The following CHM variants were observed in gnomAD, a reference collection of about 807,000 sequenced individuals.
CHM encodes the protein rab proteins geranylgeranyltransferase component A 1.
CHM carries 10 observed loss-of-function variants against 49.0 expected under a neutral mutation model. The ratio of observed to expected loss-of-function variants is 0.20; its 90% CI spans 0.13 to 0.35. The LOEUF (loss-of-function observed/expected upper bound fraction) is 0.35, where lower values mean the gene tolerates loss of function less well. Among genes scored for constraint, CHM ranks in the 10% least tolerant of loss-of-function variants. The pLI is 1.00. For missense variants in CHM, 455 were observed against 478.4 expected (o/e 0.95, Z 0.46); for synonymous variants, 184 against 167.5 (o/e 1.10, Z -0.76).
In CHM at chrX:85,900,685, A is replaced by G. The variant is rs1353188685; in HGVS notation, c.1374T>C (p.Ile458=). 8.4e-7 allele frequency: 1 copy of G among 1,188,712 alleles called. No individual in the cohort carries two copies. The highest frequency in any genetic ancestry group is 3.0e-5 in the East Asian group (1 of 33,600). ...CTGTTTTTAGGACAGATCTATCTGT[A>G]ATCAGCACTGCCCTGGAGATCTGCC... The part of the protein sequence containing the change: ...QYRQISRAVL[I]TDRSVLKTDS... Residue 458 remains isoleucine, a synonymous_variant, in exon 11 of 15, where the codon ATT becomes ATC. Transcript: ENST00000357749.
At chrX:86,045,451 T>C (rs1283356472) in intron 1 of CHM, among the ~76,000 whole-genome samples, 1 of 112,354 alleles carries the variant, frequency 8.9e-6, no homozygotes, top group Non-Finnish European at 1.9e-5. Flanking sequence ...ATGTGCTTGA[T>C]AAAACCTAGA....
chrX:86,028,372 G>A (rs1400862070), intron 1 of CHM, among the ~76,000 whole-genome samples: 2 of 111,531 alleles, frequency 1.8e-5, no homozygotes, highest in Non-Finnish European at 1.9e-5. Flanking sequence ...ATATAACTCC[G>A]AAGCCACAAT....
At chrX:85,978,295 CTGAG>C (rs1234027964) in intron 4 of CHM, among the ~76,000 whole-genome samples, 1 of 111,599 alleles carries the variant, frequency 9.0e-6, no homozygotes, top group Non-Finnish European at 1.9e-5. Flanking sequence ...TTTTGCTACA[CTGAG>C]TATTATCTAA....
intron 12 of CHM, among the ~76,000 whole-genome samples, chrX:85,888,293 G>C (rs1167776832): frequency 8.9e-6 from 1 of 112,127 alleles, no homozygotes; most frequent in East Asian, 2.8e-4. Flanking sequence ...AACGTTATGA[G>C]TTATTAAATG....
chrX:85,964,515 A>T (rs1307113402), intron 4 of CHM, among the ~76,000 whole-genome samples: 1 of 111,407 alleles, frequency 9.0e-6, no homozygotes, highest in African/African-American at 3.3e-5. Flanking sequence ...GATTAAATTA[A>T]GTACTGCATG....
rs1226114171 is a variant in CHM, at chrX:85,947,854, G to C, written c.1166+8299C>G. ...ACAATTGGTAAAAACGTGTTTGGTG[G>C]TGATAATTTACATGATTTATTTACA... On this transcript the variant is annotated intron_variant, in intron 8 of 14. Coordinates refer to ENST00000357749, the MANE Select transcript of CHM (RefSeq NM_000390.4). 2.7e-5 allele frequency among the ~76,000 whole-genome samples: 3 copies of C among 111,944 alleles called. No individual in the cohort carries two copies. In the Admixed American group the frequency reaches 2.8e-4, roughly 11 times the overall value.
intron 1 of CHM, among the ~76,000 whole-genome samples, chrX:86,032,133 T>G (rs1164836986): frequency 8.9e-6 from 1 of 112,003 alleles, no homozygotes; most frequent in Non-Finnish European, 1.9e-5. Context: ...TCACACAATA[T>G]ATTTGTGAGG....
chrX:85,976,883 C>CAA (rs1408432902), intron 4 of CHM, among the ~76,000 whole-genome samples: 5 of 98,111 alleles, frequency 5.1e-5, no homozygotes, highest in African/African-American at 1.9e-4. Flanking sequence ...CAAACACACA[C>CAA]ACACACACAC....
intron 2 of CHM, among the ~76,000 whole-genome samples, chrX:85,982,048 T>A (rs1262240721): frequency 9.0e-6 from 1 of 111,572 alleles, no homozygotes; most frequent in Non-Finnish European, 1.9e-5. Context: ...AAAAACATCT[T>A]TGGCTCCCTT....
At chrX:86,044,328 T>A (rs745697950) in intron 1 of CHM, among the ~76,000 whole-genome samples, 1 of 112,239 alleles carries the variant, frequency 8.9e-6, no homozygotes. Context: ...GTCATTTGTA[T>A]GTCTAATAGC....
intron 14 of CHM, among the ~76,000 whole-genome samples, chrX:85,868,367 T>A (rs1330872600): frequency 3.6e-5 from 4 of 110,792 alleles, no homozygotes; most frequent in Non-Finnish European, 7.6e-5. Context: ...AAATTAAACA[T>A]TACAGATGCC....
At position 85,918,640 on chromosome X, in the gene CHM, G is replaced by T. The variant is rs147613026; in HGVS notation, c.1167-7302C>A. On this transcript the variant is annotated intron_variant, in intron 8 of 14. Coordinates refer to ENST00000357749, the MANE Select transcript of CHM (RefSeq NM_000390.4). The stretch of plus-strand genomic sequence containing the variant: ...ATAAAGAAGCAAGACCCAACAGTAT[G>T]CTGTCTTCAAGAGGCTCATCTAACA... 9.3e-4 allele frequency among the ~76,000 whole-genome samples: 104 copies of T among 111,951 alleles called. 1 individual carries two copies. The highest frequency in any genetic ancestry group is 3.3e-3 in the African/African-American group (103 of 30,807).
At chrX:85,878,801 CAT>C (rs1777548422) in intron 13 of CHM, among the ~76,000 whole-genome samples, 162 bp downstream of exon 13, 1 of 111,220 alleles carries the variant, frequency 9.0e-6, no homozygotes, top group Admixed American at 9.6e-5. Flanking sequence ...CATTTTCCCA[CAT>C]GTTTAGGCAG....
chrX:85,934,279 C>CT (rs769967072), intron 8 of CHM, among the ~76,000 whole-genome samples: 1,564 of 71,225 alleles, frequency 0.022, 76 homozygotes, highest in Non-Finnish European at 0.028. Context: ...TGCGCTCAGC[C>CT]TTTTTTTTTT....
chrX:85,901,544 T>C (rs1005251519), intron 9 of CHM, among the ~76,000 whole-genome samples: 16 of 110,512 alleles, frequency 1.4e-4, no homozygotes, highest in East Asian at 2.8e-4. Flanking sequence ...GGCTTTTTTT[T>C]CCCCCCTTCA....
At chrX:85,971,685 G>A in intron 4 of CHM, 1 of 187,734 alleles carries the variant, frequency 5.3e-6, no homozygotes, top group Non-Finnish European at 1.1e-5. Context: ...TGCTGGCTGG[G>A]CAGCCTGCTT....
At chrX:85,939,463 A>G (rs1466990053) in intron 8 of CHM, among the ~76,000 whole-genome samples, 1 of 112,575 alleles carries the variant, frequency 8.9e-6, no homozygotes, top group African/African-American at 3.2e-5. Context: ...GAAAGTGATT[A>G]AATTATGGCA....
chrX:85,955,709 T>C (rs1263605318), intron 8 of CHM, among the ~76,000 whole-genome samples: 2 of 112,069 alleles, frequency 1.8e-5, no homozygotes, highest in African/African-American at 6.5e-5. Context: ...GACTGGGGAA[T>C]TCCACCCCTA....
intron 9 of CHM, among the ~76,000 whole-genome samples, chrX:85,904,880 T>A (rs1926497519): frequency 8.9e-6 from 1 of 111,905 alleles, no homozygotes; most frequent in Non-Finnish European, 1.9e-5. Flanking sequence ...CTGGATAGAC[T>A]CCAAGCTCCC....
Sources: gnomAD v4.1 joint callset for allele counts (sites outside exome capture counted in the v4.1 genomes callset) on GRCh38, gnomAD v4.1.1 for gene constraint, MANE v1.5 for transcripts, NCBI Gene and HGNC (gene_info 2026-07-23, HGNC 2026-07-21) for gene names.